TENM3: variants seen among roughly 807,000 people sequenced by gnomAD.
TENM3 encodes the protein teneurin-3.
TENM3 carries 63 observed loss-of-function variants against 255.1 expected under a neutral mutation model. The observed-to-expected ratio is 0.25, with a 90% CI of 0.20 to 0.30. TENM3 has a LOEUF of 0.30. Ranked by LOEUF, TENM3 falls within the 10% of genes least tolerant of loss-of-function variation. The pLI, the probability that TENM3 is intolerant of heterozygous loss-of-function variation, is 1.00. For synonymous variants in TENM3, 1,306 were observed against 1,322.3 expected (o/e 0.99, Z 0.27); for missense variants, 2,929 against 3,461.1 (o/e 0.85, Z 3.86).
the TENM3 span, among the ~76,000 whole-genome samples, chr4:181,596,470 C>T: frequency 2.0e-5 from 3 of 152,144 alleles, no homozygotes; most frequent in African/African-American, 7.2e-5. Flanking sequence ...AGTTGAGTAG[C>T]CGCCTCCAGG....
chr4:182,321,627 A>AAAC (rs1763058186), intron 1 of TENM3, among the ~76,000 whole-genome samples: 1 of 149,968 alleles, frequency 6.7e-6, no homozygotes, highest in East Asian at 2.0e-4. Context: ...CTCTGTCTCA[A>AAAC]AATAATAATA....
intron 1 of TENM3, among the ~76,000 whole-genome samples, chr4:182,244,441 A>G (rs1757515817): frequency 1.3e-5 from 2 of 152,200 alleles, no homozygotes; most frequent in Admixed American, 6.5e-5. Flanking sequence ...ACTTCTGATG[A>G]GGCTTTTATT....
chr4:182,413,828 A>G (rs1242263125), intron 3 of TENM3, among the ~76,000 whole-genome samples: 2 of 152,222 alleles, frequency 1.3e-5, no homozygotes, highest in African/African-American at 4.8e-5. Flanking sequence ...TATTTAATAA[A>G]CAGTGCAAGG....
At chr4:181,470,206 C>T in the TENM3 span, among the ~76,000 whole-genome samples, 66 of 150,090 alleles carry the variant, frequency 4.4e-4, no homozygotes, top group Admixed American at 8.6e-4. Flanking sequence ...TTAAACTCTA[C>T]AATAAATTAG....
chr4:182,191,771 T>G (rs1222489509), intron 1 of TENM3, among the ~76,000 whole-genome samples: 1 of 152,198 alleles, frequency 6.6e-6, no homozygotes, highest in East Asian at 1.9e-4. Flanking sequence ...AAAGCCCTTT[T>G]TACTGGGATT....
the TENM3 span, among the ~76,000 whole-genome samples, chr4:181,556,998 G>C: frequency 6.6e-6 from 1 of 152,002 alleles, no homozygotes; most frequent in African/African-American, 2.4e-5. Context: ...TATTAATGAT[G>C]GTTAAGTCAG....
intron 1 of TENM3, among the ~76,000 whole-genome samples, chr4:182,246,711 T>G (rs1174380608): frequency 2.6e-5 from 4 of 152,188 alleles, no homozygotes; most frequent in Non-Finnish European, 4.4e-5. Flanking sequence ...AATAGAGAGA[T>G]ATGAATCATG....
At chr4:181,572,244 C>T in the TENM3 span, among the ~76,000 whole-genome samples, 2 of 152,156 alleles carry the variant, frequency 1.3e-5, no homozygotes, top group Admixed American at 1.3e-4. Flanking sequence ...GGCTGAGAAT[C>T]TCATGAGAAG....
the TENM3 span, among the ~76,000 whole-genome samples, chr4:181,744,029 G>C: frequency 6.6e-6 from 1 of 152,054 alleles, no homozygotes; most frequent in African/African-American, 2.4e-5. Flanking sequence ...ATGTGTCCAT[G>C]TGTTCTTATC....
chr4:181,605,544 AAGAAAGAAAGAAAGAAAGAAAGAAAG>A, the TENM3 span, among the ~76,000 whole-genome samples: 2 of 32,734 alleles, frequency 6.1e-5, no homozygotes, highest in African/African-American at 1.5e-4. Flanking sequence ...GAAAGAAAGA[AAGAAAGAAAGAAAGAAAGAAAGAAAG>A]AGAGAGAAAG....
At position 182,799,972 on chromosome 4, in the gene TENM3, G is replaced by T. The variant is rs1561272945; in HGVS notation, c.7721G>T (p.Gly2574Val). 6.3e-7 allele frequency: 1 copy of T among 1,591,424 alleles called. No homozygotes were observed. The highest frequency in any genetic ancestry group is 2.3e-5 in the East Asian group (1 of 43,514). Residue 2574 changes from glycine (G) to valine (V), a missense_variant, in exon 28 of 28, where the codon GGC becomes GTC. This residue lies in a region of TENM3 where 476 missense variants were observed against 480.1 expected (regional missense o/e 0.99). Coordinates refer to ENST00000511685, the MANE Select transcript of TENM3 (RefSeq NM_001080477.4). The surrounding 1 kb of genome is among the most constrained non-coding windows in gnomAD (Gnocchi z 4.2). ...LTSGRKALEN[G>V]INVTVSQSTT... ...AGCGGCCGCAAGGCGCTGGAGAACGGCATCAACGTGACGGTGTCGCAGTCC... is the reference window on the plus strand; with the variant it reads ...AGCGGCCGCAAGGCGCTGGAGAACGTCATCAACGTGACGGTGTCGCAGTCC...
At chr4:181,509,580 G>T in the TENM3 span, among the ~76,000 whole-genome samples, 11 of 152,154 alleles carry the variant, frequency 7.2e-5, no homozygotes, top group Non-Finnish European at 1.3e-4. Flanking sequence ...CCTTCTTGCA[G>T]GTGGTTGGCA....
the TENM3 span, among the ~76,000 whole-genome samples, chr4:181,667,682 A>T: frequency 6.6e-6 from 1 of 152,128 alleles, no homozygotes; most frequent in Non-Finnish European, 1.5e-5. Context: ...CAGTCCCTCA[A>T]TCTTGGACTT....
At chr4:182,033,792 C>T in the TENM3 span, among the ~76,000 whole-genome samples, 1 of 152,070 alleles carries the variant, frequency 6.6e-6, no homozygotes, top group Non-Finnish European at 1.5e-5. Context: ...TTCTGTAATG[C>T]CCTTCTTTGT....
At chr4:182,552,251 C>A (rs563769307) in intron 3 of TENM3, among the ~76,000 whole-genome samples, 1 of 152,002 alleles carries the variant, frequency 6.6e-6, no homozygotes. Flanking sequence ...GCCTGGGCAA[C>A]GTAGTAGATG....
chr4:182,344,147 C>T (rs936936281), intron 2 of TENM3, among the ~76,000 whole-genome samples: 5 of 152,008 alleles, frequency 3.3e-5, no homozygotes, highest in African/African-American at 1.2e-4. Context: ...TCTCCTAAAC[C>T]AAGTCAGGAC....
the TENM3 span, among the ~76,000 whole-genome samples, chr4:181,518,837 A>T: frequency 0.14 from 22,027 of 152,080 alleles, 1,859 homozygotes; most frequent in South Asian, 0.28. Context: ...AGTTCTGTGG[A>T]TCCAGCCACA....
At chr4:182,585,752 T>G (rs889851966) in intron 3 of TENM3, among the ~76,000 whole-genome samples, 12 of 152,222 alleles carry the variant, frequency 7.9e-5, no homozygotes, top group African/African-American at 2.9e-4. Context: ...CAGTGCTTAT[T>G]CATCTCTTCT....
the TENM3 span, among the ~76,000 whole-genome samples, chr4:181,659,190 C>G: frequency 6.6e-6 from 1 of 152,118 alleles, no homozygotes; most frequent in African/African-American, 2.4e-5. Context: ...GAAAATTAAT[C>G]CTTTGTCACA....
Sources: gnomAD v4.1 joint callset for allele counts (sites outside exome capture counted in the v4.1 genomes callset) on GRCh38, gnomAD v4.1.1 for gene constraint, gnomAD v4.1.1 regional missense constraint, Gnocchi (gnomAD v3.1) non-coding constraint, MANE v1.5 for transcripts, NCBI Gene and HGNC (gene_info 2026-07-23, HGNC 2026-07-21) for gene names.